The following NAV2 variants were observed in gnomAD, a reference collection of about 807,000 sequenced individuals.
NAV2 encodes the protein neuron navigator 2.
A neutral mutation model predicts 223.2 loss-of-function variants in NAV2; 54 were observed. That is an observed-to-expected ratio of 0.24 (90% CI 0.19 to 0.30). The LOEUF is 0.30. Among genes scored for constraint, NAV2 ranks in the 10% least tolerant of loss-of-function variants. The probability of loss-of-function intolerance (pLI) is 1.00; values close to 1 mark genes in which losing one functional copy is unlikely to be tolerated. For missense variants in NAV2, 2,806 were observed against 3,147.5 expected, an observed-to-expected ratio of 0.89 and a Z score of 2.60; for synonymous variants, 1,279 against 1,239.3, an observed-to-expected ratio of 1.03 and a Z score of -0.67.
chr11:20,115,205 G>A (rs949890347), intron 37 of NAV2, among the ~76,000 whole-genome samples: 3 of 152,160 alleles, frequency 2.0e-5, no homozygotes, highest in Non-Finnish European at 4.4e-5. Flanking sequence ...GGTAAACAGG[G>A]AGAGGTCTGA....
chr11:19,960,601 A>C (rs542821126), intron 10 of NAV2, among the ~76,000 whole-genome samples: 4,904 of 144,398 alleles, frequency 0.034, 252 homozygotes, highest in African/African-American at 0.13. Flanking sequence ...TTATTTATTT[A>C]TTTATTTATT....
intron 1 of NAV2, among the ~76,000 whole-genome samples, chr11:19,397,425 A>ACG (rs1491394658): frequency 8.5e-5 from 12 of 141,456 alleles, no homozygotes; most frequent in African/African-American, 1.3e-4. Context: ...GTGTGCGCGC[A>ACG]TGTGTGTGTA....
intron 6 of NAV2, among the ~76,000 whole-genome samples, chr11:19,919,101 T>C (rs192122870): frequency 1.3e-5 from 2 of 152,258 alleles, no homozygotes; most frequent in Non-Finnish European, 2.9e-5. Context: ...GTGGTTATTT[T>C]AGGATTCCGA....
At chr11:19,611,646 T>C (rs2046648806) in intron 1 of NAV2, among the ~76,000 whole-genome samples, 1 of 152,232 alleles carries the variant, frequency 6.6e-6, no homozygotes, top group Non-Finnish European at 1.5e-5. Context: ...CTTTTCTGAC[T>C]CCAGGTCTCA....
At chr11:19,851,014 T>A (rs1334494568) in intron 3 of NAV2, among the ~76,000 whole-genome samples, 2 of 152,212 alleles carry the variant, frequency 1.3e-5, no homozygotes. Context: ...TGTCCCTGAC[T>A]TTCCACCATG....
Position 20,121,317 on chromosome 11 carries a change from ATAAT to A in NAV2, c.*3061_*3064del, listed in dbSNP as rs1448642661. On this transcript the variant is annotated 3_prime_UTR_variant, in exon 38 of 38. Transcript: ENST00000349880. ...TTTCATTGTAACATAGAAATTGTAA[ATAAT>A]TGATTAAAGTGCTGCATTTTGATGA... The A allele has an allele frequency of 1.3e-5, 2 of 152,660 alleles. No homozygotes were observed. The highest frequency in any genetic ancestry group is 6.5e-5 in the Admixed American group (1 of 15,292). The allele number at this position is 152,660 out of a possible 1,614,324, so 9.5% of individuals were successfully genotyped here.
chr11:19,908,356 C>G (rs1298535732), intron 6 of NAV2, among the ~76,000 whole-genome samples: 1 of 151,914 alleles, frequency 6.6e-6, no homozygotes, highest in African/African-American at 2.4e-5. Context: ...CTTTTCTTGG[C>G]CCACCCGTTC....
In NAV2 at chr11:19,713,925, G is replaced by A. The variant is rs773413300; in HGVS notation, c.230G>A (p.Arg77Gln). The change falls in exon 1 of 38, where the codon CGG becomes CAG. Residue 77 changes from arginine (R) to glutamine (Q), a missense_variant. Arg to Gln is a conservative substitution (Grantham distance 43, BLOSUM62 1). Coordinates refer to ENST00000349880, the MANE Select transcript of NAV2 (RefSeq NM_145117.5). The surrounding 1 kb of genome is among the most constrained non-coding windows in gnomAD (Gnocchi z 7.2). ...CCAGCGGGGGAGGGGCTCCCGCTGCGGAAGAGCGGCTCGGTGGAAAACGGG... is the reference window on the plus strand; with the variant it reads ...CCAGCGGGGGAGGGGCTCCCGCTGCAGAAGAGCGGCTCGGTGGAAAACGGG... ...QEPAGEGLPL[R>Q]KSGSVENGFD... is the part of the protein sequence containing the mutation. The A allele has an allele frequency of 1.2e-5, 20 of 1,613,434 alleles. No individual in the cohort carries two copies. Among genetic ancestry groups the A allele is most frequent in the Non-Finnish European group, 1.5e-5 (18 of 1,179,996 alleles).
chr11:19,978,266 A>G (rs903296187), intron 10 of NAV2, among the ~76,000 whole-genome samples: 11 of 152,138 alleles, frequency 7.2e-5, no homozygotes, highest in African/African-American at 2.7e-4. Flanking sequence ...AGGTCTGTCC[A>G]GAAACTCGAT....
chr11:19,796,244 G>A, intron 1 of NAV2, among the ~76,000 whole-genome samples: 1 of 152,038 alleles, frequency 6.6e-6, no homozygotes, highest in Non-Finnish European at 1.5e-5. Context: ...TAGATCTAGG[G>A]GTGCTCAGCT....
At chr11:19,950,541 G>T (rs779715777) in intron 10 of NAV2, among the ~76,000 whole-genome samples, 5 of 152,234 alleles carry the variant, frequency 3.3e-5, no homozygotes, top group Non-Finnish European at 7.3e-5. Context: ...ATTTTTCTCT[G>T]TTCTACCTCT....
intron 1 of NAV2, among the ~76,000 whole-genome samples, chr11:19,689,185 C>T (rs2049100959): frequency 6.6e-6 from 1 of 152,168 alleles, no homozygotes; most frequent in African/African-American, 2.4e-5. Context: ...AATGCTGGGA[C>T]AGAGTTATGA....
chr11:19,979,644 G>A (rs2153446274), intron 10 of NAV2, among the ~76,000 whole-genome samples: 1 of 152,314 alleles, frequency 6.6e-6, no homozygotes, highest in Middle Eastern at 3.4e-3. Context: ...TTATGTAGCA[G>A]TAGAGCTATT....
In NAV2 at chr11:19,602,889, A is replaced by G. The variant is rs149735622; in HGVS notation, c.76-229595A>G. 3.0e-4 allele frequency among the ~76,000 whole-genome samples: 46 copies of G among 152,276 alleles called. No individual in the cohort carries two copies. In the East Asian group the frequency reaches 7.5e-3, roughly 25 times the overall value. On this transcript the variant is annotated intron_variant, in intron 1 of 37. Transcript: ENST00000360655. ...CCTTTTTCCAAATGTGGTTGTTTCT[A>G]TGGATTCCAGGTGGACATATCATTT...
intron 1 of NAV2, among the ~76,000 whole-genome samples, chr11:19,696,911 C>T (rs2049359483): frequency 6.6e-6 from 1 of 152,142 alleles, no homozygotes; most frequent in African/African-American, 2.4e-5. Flanking sequence ...CTCTTTAATC[C>T]TCACAATAAT....
chr11:19,967,981 C>T (rs2048910637), intron 10 of NAV2, among the ~76,000 whole-genome samples: 1 of 152,144 alleles, frequency 6.6e-6, no homozygotes, highest in Admixed American at 6.5e-5. Context: ...TAACCCATGA[C>T]TCCTTCTAAT....
intron 14 of NAV2, among the ~76,000 whole-genome samples, chr11:20,046,327 C>A (rs192498223): frequency 1.3e-5 from 2 of 148,324 alleles, no homozygotes; most frequent in African/African-American, 5.0e-5. Flanking sequence ...CAGAGCGAGA[C>A]TCCATCTCAA....
chr11:19,640,512 A>G (rs2047634519), intron 1 of NAV2, among the ~76,000 whole-genome samples: 1 of 152,112 alleles, frequency 6.6e-6, no homozygotes. Context: ...TTCCAGATTT[A>G]CTCACTTGAA....
intron 1 of NAV2, among the ~76,000 whole-genome samples, chr11:19,762,059 A>G (rs1647135170): frequency 6.6e-6 from 1 of 152,180 alleles, no homozygotes; most frequent in Admixed American, 6.5e-5. Context: ...CCTGGCTAAC[A>G]TGGTGAAACC....
Sources: gnomAD v4.1 joint callset for allele counts (sites outside exome capture counted in the v4.1 genomes callset) on GRCh38, gnomAD v4.1.1 for gene constraint, Gnocchi (gnomAD v3.1) non-coding constraint, MANE v1.5 for transcripts, NCBI Gene and HGNC (gene_info 2026-07-23, HGNC 2026-07-21) for gene names.